The following ANKS6 variants were observed in gnomAD, a reference collection of about 807,000 sequenced individuals.
ANKS6 encodes the protein ankyrin repeat and SAM domain-containing protein 6.
A neutral mutation model predicts 77.9 loss-of-function variants in ANKS6; 47 were observed. The ratio of observed to expected loss-of-function variants is 0.60; its 90% CI spans 0.48 to 0.77. The LOEUF (loss-of-function observed/expected upper bound fraction) is 0.77, where lower values mean the gene tolerates loss of function less well. Among genes scored for constraint, ANKS6 ranks in the 30% least tolerant of loss-of-function variants. ANKS6 has a pLI of 0.00. For synonymous variants in ANKS6, 488 were observed against 501.7 expected, an observed-to-expected ratio of 0.97 and a Z score of 0.37; for missense variants, 1,150 against 1,159.1, an observed-to-expected ratio of 0.99 and a Z score of 0.11.
rs760767896 is a variant in ANKS6 at position 98,778,365 on chromosome 9, G to T, written c.1428C>A (p.Pro476=). Residue 476 remains proline, a synonymous_variant, in exon 7 of 15, where the codon CCC becomes CCA. Coordinates refer to ENST00000353234, the MANE Select transcript of ANKS6 (RefSeq NM_173551.5). ...AAGGCTGGTTGCTGGACAGCCCACG[G>T]GGCAGCGTCTGCATCAGTTTGAGCT... ...FRKLKLMQTL[P]RGLSSNQPLP... 19 of 1,614,044 alleles carry T rather than the reference G, an allele frequency of 1.2e-5. No homozygotes were observed. In the Admixed American group the frequency reaches 1.7e-4, roughly 14 times the overall value.
intron 6 of ANKS6, among the ~76,000 whole-genome samples, chr9:98,779,548 G>T (rs1834113534): frequency 6.6e-6 from 1 of 152,100 alleles, no homozygotes; most frequent in Non-Finnish European, 1.5e-5. Context: ...AAAAGAGAGA[G>T]AGATCTAGTA....
chr9:98,733,876 CAGG>C lies in ANKS6; in HGVS notation c.*2640_*2642del, dbSNP rs1169780971. ...TATTATCCTGTGGAACTAGGGTTCC[CAGG>C]AGCATACTTTTGGGAAATGCTGGTG... On this transcript the variant is annotated 3_prime_UTR_variant, in exon 15 of 15. Transcript: ENST00000353234. The C allele has an allele frequency of 2.0e-6, 2 of 985,364 alleles. No individual in the cohort carries two copies. Among genetic ancestry groups the C allele is most frequent in the African/African-American group, 3.5e-5 (2 of 57,306 alleles). The allele number at this position is 985,364 out of a possible 1,614,324, so 61.0% of individuals were successfully genotyped here.
chr9:98,767,616 T>C (rs180919139), intron 11 of ANKS6, among the ~76,000 whole-genome samples: 1 of 152,224 alleles, frequency 6.6e-6, no homozygotes, highest in African/African-American at 2.4e-5. Flanking sequence ...ATGAATAAGG[T>C]TGAAGGACAA....
chr9:98,774,971 G>C (rs1049679875), intron 8 of ANKS6, among the ~76,000 whole-genome samples: 3 of 152,204 alleles, frequency 2.0e-5, no homozygotes, highest in Non-Finnish European at 4.4e-5. Context: ...ACCCATTATG[G>C]GGGGGCAGGC....
chr9:98,734,732 T>C lies in ANKS6; in HGVS notation c.*1787A>G. The C allele has an allele frequency of 1.0e-6, 1 of 959,884 alleles. No homozygotes were observed. The highest frequency in any genetic ancestry group is 1.2e-6 in the Non-Finnish European group (1 of 806,798). The allele number at this position is 959,884 out of a possible 1,614,324, so 59.5% of individuals were successfully genotyped here. On this transcript the variant is annotated 3_prime_UTR_variant, in exon 15 of 15. Coordinates refer to ENST00000353234, the MANE Select transcript of ANKS6 (RefSeq NM_173551.5). ...AGGTTACACAATGCCACCTCCAGGG[T>C]GGCCATGAGGATGAAATGACAAAGG... is the stretch of plus-strand genomic sequence containing the variant.
rs1831306609 is a variant in ANKS6, at chr9:98,733,320, A to T, written c.*3199T>A. On this transcript the variant is annotated 3_prime_UTR_variant, in exon 15 of 15. Transcript: ENST00000353234. ...GCCAGCAGGGACTTGGACATCCAGC[A>T]CTCACGACACACCAGCAAGACACTG... is the stretch of plus-strand genomic sequence containing the variant. 2.0e-6 allele frequency: 2 copies of T among 985,496 alleles called. No homozygotes were observed. The highest frequency in any genetic ancestry group is 2.4e-6 in the Non-Finnish European group (2 of 829,990). 61.0% of individuals were successfully genotyped at this position (985,496 alleles called of 1,614,324 possible). A position where few individuals can be genotyped will look rare whatever the true frequency, so the allele number is the denominator to read the frequency against.
rs75634918 is a variant in ANKS6, at chr9:98,790,381, C to T, written c.585G>A (p.Leu195=). 2,903 of 1,613,720 alleles carry T rather than the reference C, an allele frequency of 1.8e-3. 45 individuals are homozygous for T. In the African/African-American group the frequency reaches 0.033, roughly 18 times the overall value. Residue 195 remains leucine, a synonymous_variant, in exon 2 of 15, where the codon CTG becomes CTA. Transcript: ENST00000353234. ...CGTGCCCGTGCTGGATGGCAGCCAT[C>T]AGGGCTGTGATGTCCAAGGGCTCAT... is the stretch of plus-strand genomic sequence containing the variant. ...SRDEPLDITA[L]MAAIQHGHEA...
Position 98,756,470 on chromosome 9 carries a change from C to T in ANKS6, c.2276G>A (p.Arg759Gln), listed in dbSNP as rs1281372049. The change falls in exon 12 of 15, where the codon CGG (arginine) becomes CAG (glutamine). Residue 759 changes from arginine (R) to glutamine (Q), a missense_variant. By Grantham distance (43) the Arg-to-Gln change is conservative. Transcript: ENST00000353234. ...GGAGCCCCCACTGCTCTTGGACTGC[C>T]GATGGGATGACGAGGAAGACACTGA... is the stretch of plus-strand genomic sequence containing the variant. The part of the protein sequence containing the change: ...ESSVSSSSSH[R>Q]QSKSSGGSSS... 1 of 1,613,386 alleles carries T rather than the reference C, an allele frequency of 6.2e-7. No individual in the cohort carries two copies. The highest frequency in any genetic ancestry group is 1.1e-5 in the South Asian group (1 of 91,054).
intron 5 of ANKS6, among the ~76,000 whole-genome samples, chr9:98,781,501 A>G (rs1193613860): frequency 2.0e-5 from 3 of 152,218 alleles, no homozygotes; most frequent in African/African-American, 4.8e-5. Context: ...CTTGGGGCAC[A>G]GGACTCCAAC....
chr9:98,745,091 T>C (rs1353656231), intron 14 of ANKS6, among the ~76,000 whole-genome samples: 1 of 152,186 alleles, frequency 6.6e-6, no homozygotes, highest in Non-Finnish European at 1.5e-5. Context: ...GAGACAAAAA[T>C]GTGGGAAGCC....
At chr9:98,795,556 G>C (rs1056985248) in intron 1 of ANKS6, among the ~76,000 whole-genome samples, 5 of 152,158 alleles carry the variant, frequency 3.3e-5, no homozygotes, top group African/African-American at 1.2e-4. Flanking sequence ...CCAAGCCTTT[G>C]CATGGGCCTC....
At chr9:98,754,364 G>A (rs1338226702) in intron 12 of ANKS6, among the ~76,000 whole-genome samples, 8 of 152,074 alleles carry the variant, frequency 5.3e-5, no homozygotes, top group African/African-American at 1.9e-4. Flanking sequence ...TTTGGGGGCC[G>A]GGCGTGGTGG....
At chr9:98,767,155 T>C (rs1407708063) in intron 11 of ANKS6, among the ~76,000 whole-genome samples, 1 of 152,212 alleles carries the variant, frequency 6.6e-6, no homozygotes, top group Non-Finnish European at 1.5e-5. Flanking sequence ...GCATTATCTG[T>C]AGATGCTAAC....
At chr9:98,779,623 C>G (rs555503136) in intron 6 of ANKS6, among the ~76,000 whole-genome samples, 1 of 151,730 alleles carries the variant, frequency 6.6e-6, no homozygotes. Flanking sequence ...AGTGCAGTGA[C>G]GTGATCTCAG....
At position 98,732,339 on chromosome 9, in the gene ANKS6, C is replaced by A. The variant is rs1246540746; in HGVS notation, c.*4180G>T. On this transcript the variant is annotated 3_prime_UTR_variant, in exon 15 of 15. Transcript: ENST00000353234. ...GAGTTCCCTGCCCCCTTTTTACCCG[C>A]TGGATCAGCTTCTACGACTTGGTCA... 3.5e-5 allele frequency: 29 copies of A among 817,018 alleles called. No homozygotes were observed. The highest frequency in any genetic ancestry group is 5.5e-5 in the Non-Finnish European group (29 of 531,948). The allele number at this position is 817,018 out of a possible 1,614,324, so 50.6% of individuals were successfully genotyped here. A position where few individuals can be genotyped will look rare whatever the true frequency, so the allele number is the denominator to read the frequency against.
intron 11 of ANKS6, among the ~76,000 whole-genome samples, chr9:98,766,460 T>C (rs924303544): frequency 6.6e-6 from 1 of 152,220 alleles, no homozygotes; most frequent in Admixed American, 6.5e-5. Flanking sequence ...CTGAGTTTCC[T>C]AGTAGCAAAG....
chr9:98,735,661 C>T lies in ANKS6; in HGVS notation c.*858G>A. ...TGATACAGGTGAGCACTGTGGAGTA[C>T]CAGAGCATCATCTGGTCTGACCTTC... On this transcript the variant is annotated 3_prime_UTR_variant, in exon 15 of 15. Transcript: ENST00000353234. 1.6e-6 allele frequency: 2 copies of T among 1,231,690 alleles called. No individual in the cohort carries two copies. Among genetic ancestry groups the T allele is most frequent in the Non-Finnish European group, 2.0e-6 (2 of 987,972 alleles). The allele number at this position is 1,231,690 out of a possible 1,614,324, so 76.3% of individuals were successfully genotyped here.
chr9:98,732,571 G>C lies in ANKS6; in HGVS notation c.*3948C>G. 1 of 1,550,562 alleles carries C rather than the reference G, an allele frequency of 6.4e-7. No individual in the cohort carries two copies. Among genetic ancestry groups the C allele is most frequent in the Non-Finnish European group, 8.7e-7 (1 of 1,146,994 alleles). ...AACCATGGCTACGTCAGGGCAGAAG[G>C]GAGAGAAGAAAGAGAGATGAGAGAT... is the stretch of plus-strand genomic sequence containing the variant. On this transcript the variant is annotated 3_prime_UTR_variant, in exon 15 of 15. Coordinates refer to ENST00000353234, the MANE Select transcript of ANKS6 (RefSeq NM_173551.5).
Position 98,756,575 on chromosome 9 carries a change from G to A in ANKS6, c.2171C>T (p.Ser724Phe), listed in dbSNP as rs781513591. The change falls in exon 12 of 15, where the codon TCT becomes TTT. Residue 724 changes from serine to phenylalanine, a missense_variant. Coordinates refer to ENST00000353234, the MANE Select transcript of ANKS6 (RefSeq NM_173551.5). ...KKLETSKRPP[S>F]GTSTTSKSTS... Reference sequence around the variant, plus strand: ...GCTCTTGGAGGTAGTGGAAGTTCCAGATGGAGGCCTTTTGCTGGTCTCCAA... The same window carrying A: ...GCTCTTGGAGGTAGTGGAAGTTCCAAATGGAGGCCTTTTGCTGGTCTCCAA... The A allele has an allele frequency of 1.3e-6, 2 of 1,553,722 alleles. No homozygotes were observed. Among genetic ancestry groups the A allele is most frequent in the South Asian group, 1.2e-5 (1 of 80,696 alleles).
Sources: allele counts gnomAD v4.1 joint callset (sites outside exome capture counted in the v4.1 genomes callset), GRCh38; gene constraint gnomAD v4.1.1; transcripts MANE v1.5; gene names NCBI Gene and HGNC (gene_info 2026-07-23, HGNC 2026-07-21).